ADAMTSL1: variants seen among roughly 807,000 people sequenced by gnomAD.
ADAMTSL1 encodes the protein ADAMTS-like protein 1.
ADAMTSL1 carries 126 observed loss-of-function variants against 201.8 expected under a neutral mutation model. That is an observed-to-expected ratio of 0.62 (90% CI 0.54 to 0.72). ADAMTSL1 has a LOEUF of 0.72. Ranked by LOEUF, ADAMTSL1 falls within the 30% of genes least tolerant of loss-of-function variation. The probability of loss-of-function intolerance (pLI) is 0.00; values close to 1 mark genes in which losing one functional copy is unlikely to be tolerated. For missense variants in ADAMTSL1, 2,679 were observed against 2,277.8 expected, an observed-to-expected ratio of 1.18 and a Z score of -3.59; for synonymous variants, 1,121 against 903.4, an observed-to-expected ratio of 1.24 and a Z score of -4.32.
In ADAMTSL1 at chr9:18,794,465, A is replaced by G. The variant is rs141795456; in HGVS notation, c.3678-932A>G. Among the ~76,000 whole-genome samples, 1,034 of 152,010 alleles carry G rather than the reference A, an allele frequency of 6.8e-3. 12 individuals carry two copies. The highest frequency in any genetic ancestry group is 0.023 in the African/African-American group (955 of 41,440). ...AAACCTGAGTTTTGTGCCCCATAAG[A>G]TTTACAGCTAAATAAAGACAATAGA... On this transcript the variant is annotated intron_variant, in intron 19 of 28. Transcript: ENST00000380548.
chr9:18,084,025 A>T (rs1823632520), intron 1 of ADAMTSL1, among the ~76,000 whole-genome samples: 1 of 152,144 alleles, frequency 6.6e-6, no homozygotes, highest in Non-Finnish European at 1.5e-5. Context: ...CCAAGGAAAA[A>T]TGTTTACTGA....
At chr9:17,961,396 G>A (rs145156078) in intron 1 of ADAMTSL1, among the ~76,000 whole-genome samples, 121 of 152,174 alleles carry the variant, frequency 8.0e-4, no homozygotes, top group African/African-American at 2.8e-3. Flanking sequence ...TTACAGGCAT[G>A]TGCCACCATA....
chr9:18,766,866 G>A (rs570533816), intron 16 of ADAMTSL1, among the ~76,000 whole-genome samples: 1 of 152,290 alleles, frequency 6.6e-6, no homozygotes, highest in Admixed American at 6.5e-5. Flanking sequence ...TAGGGGAGTG[G>A]CAGGGAGGAC....
intron 1 of ADAMTSL1, among the ~76,000 whole-genome samples, chr9:17,915,898 G>T (rs12349286): frequency 0.058 from 8,809 of 151,972 alleles, 647 homozygotes; most frequent in African/African-American, 0.17. Context: ...TTTTCTTATT[G>T]GGCTTGGAGA....
At chr9:18,466,512 A>C (rs953597426) in intron 2 of ADAMTSL1, among the ~76,000 whole-genome samples, 17 of 152,208 alleles carry the variant, frequency 1.1e-4, no homozygotes, top group Admixed American at 2.6e-4. Flanking sequence ...AAAATAAACC[A>C]CAAAAAAATC....
At chr9:18,370,234 C>T (rs1310924788) in intron 2 of ADAMTSL1, among the ~76,000 whole-genome samples, 1 of 151,242 alleles carries the variant, frequency 6.6e-6, no homozygotes, top group African/African-American at 2.4e-5. Context: ...GAGCTGAGAT[C>T]ACACCATTGC....
chr9:18,248,392 G>C (rs576864004), intron 2 of ADAMTSL1, among the ~76,000 whole-genome samples: 4 of 152,124 alleles, frequency 2.6e-5, no homozygotes, highest in Non-Finnish European at 5.9e-5. Context: ...GCTGCACTGG[G>C]ACAAGAAAAG....
chr9:18,147,787 G>T (rs1312079395), intron 1 of ADAMTSL1, among the ~76,000 whole-genome samples: 1 of 152,064 alleles, frequency 6.6e-6, no homozygotes, highest in African/African-American at 2.4e-5. Flanking sequence ...ACATAAGTAG[G>T]CATGAAAATG....
intron 14 of ADAMTSL1, among the ~76,000 whole-genome samples, chr9:18,710,153 C>T (rs931553839): frequency 2.6e-5 from 4 of 152,176 alleles, no homozygotes; most frequent in Admixed American, 6.5e-5. Flanking sequence ...AGTTCCAGGG[C>T]GGCTCTGTCA....
chr9:18,137,122 G>A (rs926974793), intron 1 of ADAMTSL1, among the ~76,000 whole-genome samples: 5 of 152,116 alleles, frequency 3.3e-5, no homozygotes, highest in Non-Finnish European at 7.4e-5. Context: ...GGATGAAATC[G>A]GAATTTCTGG....
At chr9:18,283,901 G>C (rs867280045) in intron 2 of ADAMTSL1, among the ~76,000 whole-genome samples, 2 of 39,772 alleles carry the variant, frequency 5.0e-5, no homozygotes, top group Non-Finnish European at 1.1e-4. Context: ...CTGGGCAACA[G>C]AGCAAGACTC....
intron 14 of ADAMTSL1, among the ~76,000 whole-genome samples, chr9:18,717,250 T>TA (rs1391899892): frequency 5.1e-5 from 7 of 137,652 alleles, no homozygotes; most frequent in African/African-American, 7.8e-5. Flanking sequence ...ATAATAATAA[T>TA]AATAAATAAA....
chr9:17,998,945 AT>A (rs570828485), intron 1 of ADAMTSL1, among the ~76,000 whole-genome samples: 2 of 151,984 alleles, frequency 1.3e-5, no homozygotes, highest in Non-Finnish European at 2.9e-5. Flanking sequence ...TAATTCATTT[AT>A]TTTTTTAAAG....
chr9:18,118,183 G>T (rs577167373), intron 1 of ADAMTSL1, among the ~76,000 whole-genome samples: 1 of 152,276 alleles, frequency 6.6e-6, no homozygotes, highest in East Asian at 1.9e-4. Flanking sequence ...TGATTAAAAA[G>T]AGCCGTAGCT....
intron 7 of ADAMTSL1, among the ~76,000 whole-genome samples, chr9:18,649,603 A>C (rs1489047414): frequency 6.6e-6 from 1 of 152,098 alleles, no homozygotes; most frequent in Non-Finnish European, 1.5e-5. Context: ...TTTTCCTTCT[A>C]ACAGACAGGA....
intron 4 of ADAMTSL1, among the ~76,000 whole-genome samples, chr9:18,578,113 A>G (rs1822854723): frequency 6.6e-6 from 1 of 151,892 alleles, no homozygotes; most frequent in Non-Finnish European, 1.5e-5. Flanking sequence ...TTTTCCCAGG[A>G]TCCTATGGCT....
chr9:18,193,512 CT>C (rs1254512060), intron 2 of ADAMTSL1, among the ~76,000 whole-genome samples: 2 of 152,076 alleles, frequency 1.3e-5, no homozygotes, highest in Non-Finnish European at 2.9e-5. Flanking sequence ...TCCTCTGGTT[CT>C]CTCCCTCCCC....
chr9:18,213,425 A>G (rs1332809661), intron 2 of ADAMTSL1, among the ~76,000 whole-genome samples: 3 of 152,210 alleles, frequency 2.0e-5, no homozygotes, highest in Non-Finnish European at 2.9e-5. Flanking sequence ...GCAAACTCCC[A>G]GCGCCCTCTA....
chr9:18,496,529 A>G (rs995100195), intron 1 of ADAMTSL1, among the ~76,000 whole-genome samples: 1 of 152,232 alleles, frequency 6.6e-6, no homozygotes, highest in African/African-American at 2.4e-5. Context: ...ACCAAAGAAA[A>G]GAGAAAGTTC....
Sources: allele counts gnomAD v4.1 joint callset (sites outside exome capture counted in the v4.1 genomes callset), GRCh38; gene constraint gnomAD v4.1.1; transcripts MANE v1.5; gene names NCBI Gene and HGNC (gene_info 2026-07-23, HGNC 2026-07-21).